AMPD3: variants seen among roughly 807,000 people sequenced by gnomAD.
The protein encoded by AMPD3 is AMP deaminase 3.
AMPD3 carries 57 observed loss-of-function variants against 82.3 expected under a neutral mutation model. The ratio of observed to expected loss-of-function variants is 0.69; its 90% CI spans 0.56 to 0.86. The LOEUF (loss-of-function observed/expected upper bound fraction) is 0.86. Among genes scored for constraint, AMPD3 ranks in the 40% least tolerant of loss-of-function variants. AMPD3 has a pLI of 0.00. For missense variants in AMPD3, 870 were observed against 1,003.8 expected, an observed-to-expected ratio of 0.87 and a Z score of 1.80; for synonymous variants, 381 against 394.7, an observed-to-expected ratio of 0.97 and a Z score of 0.41.
At chr11:10,484,599 G>C in intron 4 of AMPD3, 1 of 771,174 alleles carries the variant, frequency 1.3e-6, no homozygotes, top group East Asian at 1.3e-4. Context: ...GTTTCTATTG[G>C]AGTGGAGAAG....
In AMPD3 at chr11:10,457,045, A is replaced by G. The variant is rs143147673; in HGVS notation, c.-6+1597A>G. On this transcript the variant is annotated intron_variant, in intron 1 of 14. Transcript: ENST00000396553. ...CAGGCTGGAGTACGGTGGTGCCATCATGGCTCACTGCAGCCTGCACCTCCA... is the reference window on the plus strand; with the variant it reads ...CAGGCTGGAGTACGGTGGTGCCATCGTGGCTCACTGCAGCCTGCACCTCCA... Among the ~76,000 whole-genome samples the G allele has an allele frequency of 3.5e-3, 510 of 146,086 alleles. 2 individuals carry two copies. The highest frequency in any genetic ancestry group is 0.012 in the African/African-American group (474 of 38,838).
At chr11:10,462,536 AT>A (rs1848301088) in intron 2 of AMPD3, among the ~76,000 whole-genome samples, 1 of 152,168 alleles carries the variant, frequency 6.6e-6, no homozygotes, top group African/African-American at 2.4e-5. Flanking sequence ...GAGGCAGGCA[AT>A]ACCTCGTTTG....
In AMPD3 at chr11:10,493,665, A is replaced by T. The variant is rs559964206; in HGVS notation, c.1134+122A>T. 8 of 1,118,052 alleles carry T rather than the reference A, an allele frequency of 7.2e-6. No homozygotes were observed. The African/African-American group carries it at 1.1e-4, about 15-fold the overall frequency. The allele number at this position is 1,118,052 out of a possible 1,614,324, so 69.3% of individuals were successfully genotyped here. ...TGCTACGGAAGCAGCTTTCTCTTCT[A>T]TCTGACTGAGAGGTCATGCGGCCTC... On this transcript the variant is annotated intron_variant, in intron 7 of 14. Transcript: ENST00000396553.
intron 1 of AMPD3, among the ~76,000 whole-genome samples, chr11:10,457,728 C>G (rs1848138907): frequency 6.6e-6 from 1 of 152,090 alleles, no homozygotes; most frequent in Non-Finnish European, 1.5e-5. Flanking sequence ...AACCCCATCT[C>G]TACTAAAAAT....
At chr11:10,501,209 G>A (rs72859123) in intron 11 of AMPD3, 70,657 of 985,324 alleles carry the variant, frequency 0.072, 2,676 homozygotes, top group East Asian at 0.12. Flanking sequence ...GAATTCAGGA[G>A]AGTGGCTGGA....
At position 10,507,318 on chromosome 11, in the gene AMPD3, T is replaced by C. The variant is rs1359855320; in HGVS notation, c.*1434T>C. ...TTTAGATTGTCTCATCTTGTGACTT[T>C]ATAATGCCTGTCCCCTCCACTGGTC... is the stretch of plus-strand genomic sequence containing the variant. On this transcript the variant is annotated 3_prime_UTR_variant, in exon 15 of 15. Coordinates refer to ENST00000396553, the MANE Select transcript of AMPD3 (RefSeq NM_001025389.2). The C allele has an allele frequency of 6.6e-6, 1 of 152,152 alleles. No individual in the cohort carries two copies. The highest frequency in any genetic ancestry group is 1.5e-5 in the Non-Finnish European group (1 of 68,042). 9.4% of individuals were successfully genotyped at this position (152,152 alleles called of 1,614,324 possible).
chr11:10,495,457 A>C, intron 8 of AMPD3, 113 bp from the exon 9 acceptor site: 1 of 1,588,370 alleles, frequency 6.3e-7, no homozygotes, highest in Middle Eastern at 2.3e-4. Context: ...GAGTGCTTCC[A>C]GCCTGGGAGC....
At chr11:10,463,909 C>A (rs1848342579) in intron 2 of AMPD3, among the ~76,000 whole-genome samples, 1 of 152,200 alleles carries the variant, frequency 6.6e-6, no homozygotes, top group Non-Finnish European at 1.5e-5. Flanking sequence ...GGATGTCTGG[C>A]AGAGGAAGAC....
intron 4 of AMPD3, among the ~76,000 whole-genome samples, chr11:10,482,521 C>CT (rs904643814): frequency 9.4e-4 from 140 of 149,664 alleles, no homozygotes; most frequent in African/African-American, 3.0e-3. Flanking sequence ...TTTTTTTTTT[C>CT]TTTTTTTTTG....
At chr11:10,502,638 G>T in intron 12 of AMPD3, 83 bp from the exon 13 acceptor site, 1 of 1,593,890 alleles carries the variant, frequency 6.3e-7, no homozygotes, top group Non-Finnish European at 8.5e-7. Flanking sequence ...ACTGGTGAAT[G>T]CTTCTTCCCT....
Position 10,501,601 on chromosome 11 carries a change from C to CA in AMPD3, c.1842+12dup. 6.2e-7 allele frequency: 1 copy of CA among 1,614,182 alleles called. No homozygotes were observed. Among genetic ancestry groups the CA allele is most frequent in the Non-Finnish European group, 8.5e-7 (1 of 1,180,036 alleles). ...CTGCTCCTCAAGAAGGTAACCAGGT[C>CA]ACTCTCGGGAGCCCGTCCTGAGTGA... On this transcript the variant is annotated intron_variant, in intron 12 of 14. Transcript: ENST00000396553.
chr11:10,452,484 C>T (rs537353806), upstream of AMPD3, among the ~76,000 whole-genome samples: 2 of 152,150 alleles, frequency 1.3e-5, no homozygotes, highest in African/African-American at 2.4e-5. Flanking sequence ...TGGCTGTGTA[C>T]AGTCACCGAG....
intron 9 of AMPD3, chr11:10,496,354 G>A: frequency 1.0e-6 from 1 of 985,470 alleles, no homozygotes; most frequent in Non-Finnish European, 1.2e-6. Context: ...AGCTGTAGTG[G>A]TCTACATTGC....
chr11:10,500,322 C>G, intron 11 of AMPD3, 73 bp downstream of exon 11: 1 of 1,527,652 alleles, frequency 6.5e-7, no homozygotes. Context: ...CACATGCACA[C>G]ACACATGCAT....
rs115259613 is a variant in AMPD3 at position 10,500,554 on chromosome 11, C to T, written c.1721+305C>T. 4.8e-4 allele frequency: 464 copies of T among 959,420 alleles called. 2 individuals carry two copies. The African/African-American group carries it at 7.5e-3, about 15-fold the overall frequency. The allele number at this position is 959,420 out of a possible 1,614,324, so 59.4% of individuals were successfully genotyped here. A position where few individuals can be genotyped will look rare whatever the true frequency, so the allele number is the denominator to read the frequency against. ...ACGTGTCCACACATTTATATGTACA[C>T]ACACCAGGGCACACTCCACGTGTAC... On this transcript the variant is annotated intron_variant, in intron 11 of 14. Coordinates refer to ENST00000396553, the MANE Select transcript of AMPD3 (RefSeq NM_001025389.2).
intron 5 of AMPD3, 43 bp downstream of exon 5, chr11:10,485,082 T>C: frequency 6.4e-7 from 1 of 1,565,148 alleles, no homozygotes; most frequent in African/African-American, 1.4e-5. Context: ...GCACAGGTGC[T>C]GTTCTGTAGG....
chr11:10,493,305 G>A, intron 6 of AMPD3, 44 bp from the exon 7 acceptor site: 1 of 1,610,296 alleles, frequency 6.2e-7, no homozygotes, highest in Non-Finnish European at 8.5e-7. Context: ...CTTGTTGCTA[G>A]GGGAGGTGGC....
At position 10,502,878 on chromosome 11, in the gene AMPD3, A is replaced by G. The variant is rs1269995839; in HGVS notation, c.2000A>G (p.Gln667Arg). 5.0e-6 allele frequency: 8 copies of G among 1,614,220 alleles called. No individual in the cohort carries two copies. The highest frequency in any genetic ancestry group is 1.3e-5 in the African/African-American group (1 of 75,064). Residue 667 changes from glutamine (Q) to arginine (R), a missense_variant, in exon 13 of 15, where the codon CAG becomes CGG. Coordinates refer to ENST00000396553, the MANE Select transcript of AMPD3 (RefSeq NM_001025389.2). ...HVSLSTDDPM[Q>R]FHYTKEALME... Reference sequence around the variant, plus strand: ...TCTCTTTCCACCGATGACCCCATGCAGTTCCACTACACGAAGGTAAGGACT... The same window carrying G: ...TCTCTTTCCACCGATGACCCCATGCGGTTCCACTACACGAAGGTAAGGACT...
intron 2 of AMPD3, among the ~76,000 whole-genome samples, chr11:10,466,265 GA>G (rs1017658581): frequency 1.9e-3 from 265 of 140,992 alleles, no homozygotes; most frequent in South Asian, 7.6e-3. Context: ...CCGTCTCAAA[GA>G]AAAAAAAAAA....
Sources: allele counts gnomAD v4.1 joint callset (sites outside exome capture counted in the v4.1 genomes callset), GRCh38; gene constraint gnomAD v4.1.1; transcripts MANE v1.5; gene names NCBI Gene and HGNC (gene_info 2026-07-23, HGNC 2026-07-21).